The following RIGI variants were observed in gnomAD, a reference collection of about 807,000 sequenced individuals.
RIGI encodes antiviral innate immune response receptor RIG-I.
At chr9:32,512,057 A>C in the RIGI span, among the ~76,000 whole-genome samples, 1 of 152,040 alleles carries the variant, frequency 6.6e-6, no homozygotes, top group Non-Finnish European at 1.5e-5. Flanking sequence ...GAAGAGACCA[A>C]TAACAAGTTG....
At chr9:32,521,858 T>C in the RIGI span, among the ~76,000 whole-genome samples, 1 of 152,114 alleles carries the variant, frequency 6.6e-6, no homozygotes, top group Non-Finnish European at 1.5e-5. Context: ...GAAAAAAAAA[T>C]TTCCTTGTCA....
chr9:32,490,797 A>G, the RIGI span, among the ~76,000 whole-genome samples: 1 of 152,202 alleles, frequency 6.6e-6, no homozygotes, highest in Non-Finnish European at 1.5e-5. Flanking sequence ...CTCTTGGAGG[A>G]CACAGCCCCT....
chr9:32,473,017 GTT>G, the RIGI span: 2 of 1,610,228 alleles, frequency 1.2e-6, no homozygotes, highest in Non-Finnish European at 1.7e-6. Context: ...AATATGCCAG[GTT>G]TTAGAAAACT....
the RIGI span, among the ~76,000 whole-genome samples, chr9:32,522,439 C>T: frequency 6.6e-6 from 1 of 152,146 alleles, no homozygotes; most frequent in Non-Finnish European, 1.5e-5. Context: ...TAAGGGGACA[C>T]AGTTGGAGGA....
At chr9:32,469,356 G>C in the RIGI span, among the ~76,000 whole-genome samples, 2 of 152,202 alleles carry the variant, frequency 1.3e-5, no homozygotes, top group African/African-American at 2.4e-5. Context: ...ATAAGCATTT[G>C]AACTATGTTG....
the RIGI span, among the ~76,000 whole-genome samples, chr9:32,464,937 T>C: frequency 2.0e-5 from 3 of 152,210 alleles, no homozygotes; most frequent in Non-Finnish European, 2.9e-5. Flanking sequence ...CTTATCCTGG[T>C]GTGCTGGCTA....
chr9:32,483,235 C>A, the RIGI span, among the ~76,000 whole-genome samples: 1 of 152,142 alleles, frequency 6.6e-6, no homozygotes, highest in Non-Finnish European at 1.5e-5. Flanking sequence ...TAAATTCTTC[C>A]CCTCACTCAT....
the RIGI span, among the ~76,000 whole-genome samples, chr9:32,468,656 ACTCTAT>A: frequency 6.6e-6 from 1 of 150,680 alleles, no homozygotes; most frequent in Non-Finnish European, 1.5e-5. Context: ...AGAGAATGAG[ACTCTAT>A]CTTAAAAAAA....
At chr9:32,481,555 T>C in the RIGI span, 4 of 1,246,714 alleles carry the variant, frequency 3.2e-6, no homozygotes, top group Non-Finnish European at 4.4e-6. Context: ...CATTTAGGGT[T>C]ATAAACAGGC....
the RIGI span, chr9:32,485,497 C>T: frequency 1.6e-6 from 1 of 612,186 alleles, no homozygotes; most frequent in Non-Finnish European, 2.9e-6. Context: ...CTGATTCTAA[C>T]ACCTGTCTTT....
the RIGI span, among the ~76,000 whole-genome samples, chr9:32,516,941 T>C: frequency 1.1e-4 from 17 of 152,314 alleles, no homozygotes; most frequent in South Asian, 2.1e-4. Context: ...AGCAGTCGGA[T>C]TGTGTTTTGT....
the RIGI span, among the ~76,000 whole-genome samples, chr9:32,499,316 G>GTTTTTTTTTTTTT: frequency 0.01 from 574 of 57,380 alleles, no homozygotes; most frequent in Non-Finnish European, 0.012. Flanking sequence ...TTTGTGATTT[G>GTTTTTTTTTTTTT]TTTTTTTTTT....
chr9:32,457,546 T>G, the RIGI span: 1 of 821,532 alleles, frequency 1.2e-6, no homozygotes, highest in Admixed American at 3.4e-5. Flanking sequence ...TCTCACTTAT[T>G]TTACAATTGG....
chr9:32,523,443 T>G, the RIGI span, among the ~76,000 whole-genome samples: 4 of 152,148 alleles, frequency 2.6e-5, no homozygotes, highest in East Asian at 5.8e-4. Flanking sequence ...CTCCTCCTCC[T>G]GCAAACCTGT....
At chr9:32,522,679 A>G in the RIGI span, among the ~76,000 whole-genome samples, 12 of 152,224 alleles carry the variant, frequency 7.9e-5, no homozygotes, top group Non-Finnish European at 1.6e-4. Context: ...AGAAAACTAT[A>G]GTATTAGATT....
At chr9:32,460,276 G>A in the RIGI span, among the ~76,000 whole-genome samples, 2 of 152,084 alleles carry the variant, frequency 1.3e-5, no homozygotes, top group African/African-American at 4.8e-5. Flanking sequence ...TTTGTCAGTG[G>A]CATGAAAACA....
chr9:32,507,899 C>T, the RIGI span, among the ~76,000 whole-genome samples: 2 of 152,122 alleles, frequency 1.3e-5, no homozygotes, highest in Non-Finnish European at 2.9e-5. Context: ...TCATTCACAC[C>T]TATTTAAAAG....
the RIGI span, among the ~76,000 whole-genome samples, chr9:32,497,395 A>G: frequency 6.6e-6 from 1 of 152,128 alleles, no homozygotes; most frequent in Non-Finnish European, 1.5e-5. Flanking sequence ...GTGTCCTGAA[A>G]CTTTTCTGAA....
chr9:32,526,110 G>A, the RIGI span: 2 of 1,613,812 alleles, frequency 1.2e-6, no homozygotes, highest in Non-Finnish European at 1.7e-6. Flanking sequence ...TAGGGTCCAG[G>A]GTCTTCCGGA....
Sources: allele counts gnomAD v4.1 joint callset (sites outside exome capture counted in the v4.1 genomes callset), GRCh38; gene constraint gnomAD v4.1.1; transcripts MANE v1.5; gene names NCBI Gene and HGNC (gene_info 2026-07-23, HGNC 2026-07-21).